The following SELENOI variants were observed in gnomAD, a reference collection of about 807,000 sequenced individuals.
SELENOI encodes selenoprotein I, also known as ethanolaminephosphotransferase 1.
A neutral mutation model predicts 50.7 loss-of-function variants in SELENOI; 24 were observed. The observed-to-expected ratio is 0.47, with a 90% CI of 0.34 to 0.67. The LOEUF (loss-of-function observed/expected upper bound fraction) is 0.67, where lower values mean the gene tolerates loss of function less well. SELENOI is among the 30% of genes least tolerant of loss of function. The pLI is 0.01. For missense variants in SELENOI, 352 were observed against 461.4 expected, an observed-to-expected ratio of 0.76 and a Z score of 2.17; for synonymous variants, 155 against 170.2, an observed-to-expected ratio of 0.91 and a Z score of 0.70.
intron 1 of SELENOI, among the ~76,000 whole-genome samples, chr2:26,356,135 C>T (rs1677059524): frequency 6.6e-6 from 1 of 152,162 alleles, no homozygotes. Flanking sequence ...CTTCCCCCTA[C>T]TTTTTTTGTA....
intron 9 of SELENOI, 60 bp downstream of exon 9, chr2:26,386,596 C>A: frequency 5.1e-6 from 7 of 1,383,584 alleles, no homozygotes; most frequent in South Asian, 1.7e-5. Flanking sequence ...CCAATAAATG[C>A]CTCCGAGTAG....
intron 1 of SELENOI, among the ~76,000 whole-genome samples, chr2:26,358,844 A>G (rs1192922689): frequency 6.6e-6 from 1 of 152,220 alleles, no homozygotes. Context: ...AGGTGACTGC[A>G]GTATGATTTA....
intron 1 of SELENOI, 41 bp downstream of exon 1, chr2:26,346,330 C>T (rs1424591545): frequency 6.3e-7 from 1 of 1,584,764 alleles, no homozygotes; most frequent in African/African-American, 1.4e-5. Flanking sequence ...TGCTCCCGGC[C>T]TCGCCCAGGC....
At chr2:26,377,038 T>C (rs1259526714) in intron 6 of SELENOI, among the ~76,000 whole-genome samples, 1 of 152,218 alleles carries the variant, frequency 6.6e-6, no homozygotes. Flanking sequence ...TTGACTCTGT[T>C]GGACCTGTAA....
intron 1 of SELENOI, among the ~76,000 whole-genome samples, chr2:26,356,717 G>A (rs1300786836): frequency 6.6e-6 from 1 of 152,104 alleles, no homozygotes; most frequent in Non-Finnish European, 1.5e-5. Flanking sequence ...TCTACATCAT[G>A]TTCAGAATGG....
intron 1 of SELENOI, among the ~76,000 whole-genome samples, chr2:26,347,323 G>T (rs1676813032): frequency 6.6e-6 from 1 of 151,938 alleles, no homozygotes; most frequent in Admixed American, 6.6e-5. Flanking sequence ...GAGTTTTCTT[G>T]TGGACCATCA....
intron 6 of SELENOI, among the ~76,000 whole-genome samples, chr2:26,382,704 T>C (rs1677732250): frequency 1.3e-5 from 2 of 152,038 alleles, no homozygotes; most frequent in African/African-American, 4.8e-5. Context: ...CTGAAAATGC[T>C]AGGAAGACTG....
chr2:26,371,730 G>A (rs531089115), intron 4 of SELENOI, among the ~76,000 whole-genome samples: 139 of 152,360 alleles, frequency 9.1e-4, no homozygotes, highest in African/African-American at 3.2e-3. Flanking sequence ...GCGTGGCGGC[G>A]TGCGCCTGCA....
intron 3 of SELENOI, among the ~76,000 whole-genome samples, chr2:26,365,912 C>T (rs933109770): frequency 1.3e-5 from 2 of 151,688 alleles, no homozygotes; most frequent in Non-Finnish European, 2.9e-5. Flanking sequence ...AGCGATTCTC[C>T]TGCCTCAGCG....
intron 1 of SELENOI, among the ~76,000 whole-genome samples, chr2:26,349,308 C>CTTT (rs11434987): frequency 0.012 from 1,384 of 115,308 alleles, 27 homozygotes; most frequent in African/African-American, 0.02. Flanking sequence ...CCACACTTGT[C>CTTT]TTTTTTTTTT....
At chr2:26,354,382 G>A (rs1356317047) in intron 1 of SELENOI, among the ~76,000 whole-genome samples, 2 of 151,754 alleles carry the variant, frequency 1.3e-5, no homozygotes, top group East Asian at 3.9e-4. Context: ...GTTTGTTTTT[G>A]TTTTTTTGTT....
At chr2:26,383,971 TA>T (rs1277659546) in intron 7 of SELENOI, among the ~76,000 whole-genome samples, 3 of 152,184 alleles carry the variant, frequency 2.0e-5, no homozygotes, top group African/African-American at 7.2e-5. Context: ...AGCCCTTATA[TA>T]GAAGTTCCTG....
chr2:26,350,724 G>A (rs1315791433), intron 1 of SELENOI, among the ~76,000 whole-genome samples: 1 of 152,196 alleles, frequency 6.6e-6, no homozygotes, highest in Admixed American at 6.5e-5. Flanking sequence ...TGGAAGAGGA[G>A]AGGAGGCAGC....
chr2:26,369,468 G>C (rs1238435315), intron 4 of SELENOI, among the ~76,000 whole-genome samples: 1 of 152,094 alleles, frequency 6.6e-6, no homozygotes, highest in African/African-American at 2.4e-5. Context: ...ACCCAGAATA[G>C]AAACTGGAGA....
At chr2:26,361,858 G>T (rs11126445) in intron 1 of SELENOI, among the ~76,000 whole-genome samples, 60,108 of 151,888 alleles carry the variant, frequency 0.4, 13,362 homozygotes, top group Non-Finnish European at 0.51. Context: ...GAGTTTCACC[G>T]TGTCAGCCAG....
intron 1 of SELENOI, among the ~76,000 whole-genome samples, chr2:26,347,063 A>C (rs1421683951): frequency 6.6e-6 from 1 of 152,174 alleles, no homozygotes; most frequent in Non-Finnish European, 1.5e-5. Context: ...CTTTCCTCCA[A>C]ATCTGGTTCC....
At chr2:26,372,280 T>C (rs1042618010) in intron 4 of SELENOI, among the ~76,000 whole-genome samples, 1 of 152,160 alleles carries the variant, frequency 6.6e-6, no homozygotes, top group Non-Finnish European at 1.5e-5. Flanking sequence ...CGGCTAAGTT[T>C]TTGTATTTTT....
intron 4 of SELENOI, among the ~76,000 whole-genome samples, chr2:26,372,165 T>A (rs2147955131): frequency 6.6e-6 from 1 of 152,268 alleles, no homozygotes. Context: ...CAGGCTGGAG[T>A]GCAATGGTGT....
chr2:26,346,484 A>T (rs1676765513), intron 1 of SELENOI, 195 bp downstream of exon 1: 4 of 563,106 alleles, frequency 7.1e-6, no homozygotes, highest in Non-Finnish European at 1.2e-5. Flanking sequence ...CGCCGCCCGT[A>T]GTCGGCACCC....
Sources: allele counts gnomAD v4.1 joint callset (sites outside exome capture counted in the v4.1 genomes callset), GRCh38; gene constraint gnomAD v4.1.1; transcripts MANE v1.5; gene names NCBI Gene and HGNC (gene_info 2026-07-23, HGNC 2026-07-21).